Variants in SYT6 observed in about 807,000 individuals in gnomAD.
SYT6 encodes the protein synaptotagmin-6.
SYT6 carries 24 observed loss-of-function variants against 38.4 expected under a neutral mutation model. The observed-to-expected ratio is 0.62, with a 90% CI of 0.45 to 0.88. SYT6 has a LOEUF of 0.88. Ranked by LOEUF, SYT6 falls within the 40% of genes least tolerant of loss-of-function variation. The probability of loss-of-function intolerance (pLI) is 0.00; values close to 1 mark genes in which losing one functional copy is unlikely to be tolerated. For synonymous variants in SYT6, 265 were observed against 241.9 expected (o/e 1.10, Z -0.89); for missense variants, 611 against 621.0 (o/e 0.98, Z 0.17).
At chr1:114,107,337 T>C (rs538258952) in intron 3 of SYT6, among the ~76,000 whole-genome samples, 8 of 152,304 alleles carry the variant, frequency 5.3e-5, no homozygotes, top group South Asian at 2.1e-4. Flanking sequence ...CTCTTTCTCA[T>C]AGGACCGTGG....
intron 2 of SYT6, among the ~76,000 whole-genome samples, chr1:114,138,954 C>A (rs1287426768): frequency 6.6e-6 from 1 of 152,178 alleles, no homozygotes; most frequent in Non-Finnish European, 1.5e-5. Flanking sequence ...GCCTGGAGAG[C>A]CGTTGCAGGG....
In SYT6 at chr1:114,097,766, G is replaced by T. The variant is rs1675722510; in HGVS notation, c.1476C>A (p.His492Gln). 1.9e-6 allele frequency: 3 copies of T among 1,614,248 alleles called. No homozygotes were observed. Among genetic ancestry groups the T allele is most frequent in the Non-Finnish European group, 2.5e-6 (3 of 1,180,048 alleles). ...MLAYPRKPIA[H>Q]WHSLVEVKKS... ...TCTTTACCTCCACCAAGGAGTGCCA[G>T]TGTGCGATGGGCTTCCGGGGGTATG... is the stretch of plus-strand genomic sequence containing the variant. Residue 492 changes from histidine (H) to glutamine (Q), a missense_variant, in exon 6 of 8, where the codon CAC becomes CAA. Transcript: ENST00000610222.
intron 1 of SYT6, among the ~76,000 whole-genome samples, chr1:114,146,206 G>A (rs1040704814): frequency 2.6e-5 from 4 of 152,194 alleles, no homozygotes; most frequent in African/African-American, 9.7e-5. Context: ...TGGTGAGCAA[G>A]GCTAGTAAGA....
intron 1 of SYT6, chr1:114,152,860 G>A (rs943395341): frequency 6.6e-6 from 1 of 152,216 alleles, no homozygotes; most frequent in African/African-American, 2.4e-5. Context: ...GATCGGGCAG[G>A]AGGCGCCCTC....
intron 5 of SYT6, among the ~76,000 whole-genome samples, chr1:114,098,381 A>G (rs953901121): frequency 2.6e-5 from 4 of 152,238 alleles, no homozygotes; most frequent in African/African-American, 9.6e-5. Context: ...GCTTTATTGC[A>G]TGGTTTCTTT....
At chr1:114,104,068 TCTC>T (rs1264665121) in intron 3 of SYT6, among the ~76,000 whole-genome samples, 1 of 152,106 alleles carries the variant, frequency 6.6e-6, no homozygotes, top group Non-Finnish European at 1.5e-5. Context: ...CTCTTCCTGT[TCTC>T]CTCCAGCCCA....
chr1:114,108,339 C>A (rs907708494), intron 3 of SYT6, among the ~76,000 whole-genome samples: 12 of 152,202 alleles, frequency 7.9e-5, no homozygotes, highest in African/African-American at 2.7e-4. Flanking sequence ...CTTCTCTCTA[C>A]TTGATGCAGT....
intron 3 of SYT6, among the ~76,000 whole-genome samples, chr1:114,109,269 T>G (rs1352374179): frequency 6.6e-6 from 1 of 152,250 alleles, no homozygotes; most frequent in Non-Finnish European, 1.5e-5. Context: ...CTCACCAGAT[T>G]GTATGCTCTT....
intron 6 of SYT6, among the ~76,000 whole-genome samples, chr1:114,097,227 T>G (rs1378688240): frequency 6.6e-6 from 1 of 152,216 alleles, no homozygotes; most frequent in Non-Finnish European, 1.5e-5. Flanking sequence ...CCATGCTCCC[T>G]TCCCCAACAA....
chr1:114,099,230 G>C lies in SYT6; in HGVS notation c.1228C>G (p.Arg410Gly). ...YVKVSLLCDG[R>G]RLKKKKTTIK... is the part of the protein sequence containing the mutation. ...GTTGTTTTCTTCTTCTTCAGCCTCC[G>C]CCCATCACAGAGCAAGGACACTTTC... Residue 410 changes from arginine (R) to glycine (G), a missense_variant, in exon 5 of 8, where the codon CGG (arginine) becomes GGG (glycine). Transcript: ENST00000610222. The C allele has an allele frequency of 1.2e-6, 2 of 1,613,654 alleles. No homozygotes were observed. The highest frequency in any genetic ancestry group is 1.7e-6 in the Non-Finnish European group (2 of 1,179,780).
At position 114,103,510 on chromosome 1, in the gene SYT6, A is replaced by C. The variant is rs1391710372; in HGVS notation, c.1192+91T>G. 3 of 1,547,220 alleles carry C rather than the reference A, an allele frequency of 1.9e-6. No homozygotes were observed. The Admixed American group carries it at 5.4e-5, about 28-fold the overall frequency. Reference sequence around the variant, plus strand: ...CCAGAGCTGGTGCTTCTATTCTAAGAATGCTGACAATTCTTTCTCCTTCTC... The same window carrying C: ...CCAGAGCTGGTGCTTCTATTCTAAGCATGCTGACAATTCTTTCTCCTTCTC... On this transcript the variant is annotated intron_variant, in intron 4 of 7. Coordinates refer to ENST00000610222, the MANE Select transcript of SYT6 (RefSeq NM_001253772.2).
chr1:114,112,237 C>A (rs1676728345), intron 3 of SYT6, among the ~76,000 whole-genome samples: 1 of 152,200 alleles, frequency 6.6e-6, no homozygotes, highest in South Asian at 2.1e-4. Context: ...AAGCGGGCAC[C>A]CCCAAGCCGG....
rs1678978665 is a variant in SYT6 at position 114,143,422 on chromosome 1, A to G, written c.164-3459T>C. 4.7e-5 allele frequency among the ~76,000 whole-genome samples: 7 copies of G among 148,778 alleles called. No individual in the cohort carries two copies. In the Admixed American group the frequency reaches 4.7e-4, roughly 10 times the overall value. On this transcript the variant is annotated intron_variant, in intron 1 of 7. Transcript: ENST00000610222. The stretch of plus-strand genomic sequence containing the variant: ...GTATAAAAGTTATGTGTGTATATAT[A>G]CATATATAGTATAAAAGTAGCACAG...
At chr1:114,124,084 C>T (rs1260561309) in intron 3 of SYT6, among the ~76,000 whole-genome samples, 1 of 152,184 alleles carries the variant, frequency 6.6e-6, no homozygotes, top group African/African-American at 2.4e-5. Context: ...TCTCAGGTGG[C>T]AACTCCACCC....
chr1:114,113,822 G>C (rs1170042135), intron 3 of SYT6, among the ~76,000 whole-genome samples: 1 of 152,136 alleles, frequency 6.6e-6, no homozygotes, highest in Admixed American at 6.6e-5. Flanking sequence ...CTCTTCCCCA[G>C]ATGGAAAATG....
At position 114,117,966 on chromosome 1, in the gene SYT6, C is replaced by T. The variant is rs564231506; in HGVS notation, c.1072-14245G>A. Among the ~76,000 whole-genome samples the T allele has an allele frequency of 1.1e-4, 16 of 152,364 alleles. 1 individual carries two copies. In the South Asian group the frequency reaches 3.1e-3, roughly 30 times the overall value. On this transcript the variant is annotated intron_variant, in intron 3 of 7. Transcript: ENST00000610222. ...TAGTGCAGAGCAAACTCTTCAGACA[C>T]TTTCGGGCCCCTTCCTGTTCCATCC...
At chr1:114,097,032 A>G (rs1055935725) in intron 6 of SYT6, among the ~76,000 whole-genome samples, 1 of 152,202 alleles carries the variant, frequency 6.6e-6, no homozygotes, top group Non-Finnish European at 1.5e-5. Context: ...TATTACTCAA[A>G]GGGATATTTT....
intron 1 of SYT6, among the ~76,000 whole-genome samples, chr1:114,143,576 A>G (rs2450160): frequency 0.25 from 31,386 of 127,724 alleles, 3,546 homozygotes; most frequent in South Asian, 0.37. Context: ...GTGTGTGTGT[A>G]TATATATATA....
rs781702986 is a variant in SYT6, at chr1:114,137,908, C to T, written c.658G>A (p.Glu220Lys). The change falls in exon 3 of 8, where the codon GAG (glutamate) becomes AAG (lysine). Residue 220 changes from glutamate (E) to lysine (K), a missense_variant. Transcript: ENST00000610222. ...TTGGTGGCCTCAGACTTGGCATCCT[C>T]CCCATCCACCGACTTCTGCTTGTAG... Reference protein sequence around the residue: ...ELYKQKSVDGEDAKSEATKSC... With the variant: ...ELYKQKSVDGKDAKSEATKSC... 1.2e-6 allele frequency: 2 copies of T among 1,613,952 alleles called. No individual in the cohort carries two copies. Among genetic ancestry groups the T allele is most frequent in the African/African-American group, 2.7e-5 (2 of 74,884 alleles).
Sources: allele counts gnomAD v4.1 joint callset (sites outside exome capture counted in the v4.1 genomes callset), GRCh38; gene constraint gnomAD v4.1.1; transcripts MANE v1.5; gene names NCBI Gene and HGNC (gene_info 2026-07-23, HGNC 2026-07-21).